The following RBM33 variants were observed in gnomAD, a reference collection of about 807,000 sequenced individuals.
RBM33 encodes RNA binding motif protein 33.
Under a neutral mutation model 132.6 loss-of-function variants are expected in RBM33, and 28 were observed. The ratio of observed to expected loss-of-function variants is 0.21; its 90% CI spans 0.16 to 0.29. The LOEUF (loss-of-function observed/expected upper bound fraction) is 0.29, where lower values mean the gene tolerates loss of function less well. Ranked by LOEUF, RBM33 falls within the 10% of genes least tolerant of loss-of-function variation. The pLI is 1.00. For synonymous variants in RBM33, 634 were observed against 593.0 expected (o/e 1.07, Z -1.01); for missense variants, 1,291 against 1,518.5 (o/e 0.85, Z 2.49).
At chr7:155,760,210 C>G (rs1235279214) in intron 14 of RBM33, among the ~76,000 whole-genome samples, 1 of 152,216 alleles carries the variant, frequency 6.6e-6, no homozygotes, top group African/African-American at 2.4e-5. Flanking sequence ...ACTGGCTTCT[C>G]TCAAGCACTT....
chr7:155,699,588 G>A (rs374889033), intron 5 of RBM33, among the ~76,000 whole-genome samples: 4 of 152,180 alleles, frequency 2.6e-5, no homozygotes, highest in South Asian at 2.1e-4. Context: ...TATGCTGGAC[G>A]TCAGCATACT....
At chr7:155,706,790 C>T in intron 6 of RBM33, 70 bp from the exon 7 acceptor site, 2 of 1,268,058 alleles carry the variant, frequency 1.6e-6, no homozygotes, top group Non-Finnish European at 2.2e-6. Flanking sequence ...TCATTCTTTC[C>T]TGTTCTCTCC....
intron 3 of RBM33, among the ~76,000 whole-genome samples, chr7:155,674,987 T>C (rs1799136738): frequency 6.6e-6 from 1 of 152,224 alleles, no homozygotes; most frequent in Admixed American, 6.5e-5. Context: ...CTGTCTTTTA[T>C]TCTTTTCCCA....
intron 5 of RBM33, among the ~76,000 whole-genome samples, chr7:155,688,320 T>G (rs1585439356): frequency 6.6e-6 from 1 of 152,362 alleles, no homozygotes; most frequent in African/African-American, 2.4e-5. Context: ...TTTTGCACAT[T>G]GATTTTGTAT....
At chr7:155,744,770 T>C (rs1801457014) in intron 13 of RBM33, among the ~76,000 whole-genome samples, 191 bp from the exon 14 acceptor site, 1 of 145,840 alleles carries the variant, frequency 6.9e-6, no homozygotes, top group South Asian at 2.1e-4. Context: ...AAATTAGCTT[T>C]AGCTGTGTGG....
At chr7:155,732,353 C>T (rs1800979593) in intron 9 of RBM33, among the ~76,000 whole-genome samples, 2 of 152,186 alleles carry the variant, frequency 1.3e-5, no homozygotes, top group Admixed American at 6.5e-5. Flanking sequence ...TGGAAATAGC[C>T]TCAGAGGACT....
intron 6 of RBM33, among the ~76,000 whole-genome samples, chr7:155,702,904 A>G (rs541429559): frequency 6.7e-6 from 1 of 148,832 alleles, no homozygotes; most frequent in Non-Finnish European, 1.5e-5. Context: ...CTATTAATTC[A>G]CTTGCTAGAC....
chr7:155,747,190 A>G (rs1208972350), intron 14 of RBM33, among the ~76,000 whole-genome samples: 1 of 152,230 alleles, frequency 6.6e-6, no homozygotes, highest in African/African-American at 2.4e-5. Context: ...GTTGAGAAGA[A>G]TGGTGTTACA....
chr7:155,704,171 G>A (rs539267057), intron 6 of RBM33, among the ~76,000 whole-genome samples: 2 of 152,140 alleles, frequency 1.3e-5, no homozygotes, highest in Middle Eastern at 3.2e-3. Context: ...AGCAGTTAAG[G>A]AACAGTTTTA....
At chr7:155,772,695 G>GA (rs1161736888) in intron 16 of RBM33, among the ~76,000 whole-genome samples, 5 of 152,218 alleles carry the variant, frequency 3.3e-5, no homozygotes, top group African/African-American at 7.2e-5. Flanking sequence ...ACTTGTTTCA[G>GA]AAAAAAACAG....
intron 1 of RBM33, among the ~76,000 whole-genome samples, chr7:155,653,795 A>G (rs1036570961): frequency 3.3e-5 from 5 of 152,112 alleles, no homozygotes; most frequent in Non-Finnish European, 2.9e-5. Flanking sequence ...AGTCCTGTGA[A>G]TTGTTATAGT....
rs186300842 is a variant in RBM33, at chr7:155,684,873, G to T, written c.567+3965G>T. On this transcript the variant is annotated intron_variant, in intron 5 of 17. Coordinates refer to ENST00000401878, the MANE Select transcript of RBM33 (RefSeq NM_053043.3). Reference sequence around the variant, plus strand: ...CATGAATCATAAAGACGAAAAGTACGTAAAAAAACCACCCCAAAGCTGTAT... The same window carrying T: ...CATGAATCATAAAGACGAAAAGTACTTAAAAAAACCACCCCAAAGCTGTAT... 2.4e-4 allele frequency: 363 copies of T among 1,507,608 alleles called. 4 individuals carry two copies. The African/African-American group carries it at 4.6e-3, about 19-fold the overall frequency. The allele number at this position is 1,507,608 out of a possible 1,614,324, so 93.4% of individuals were successfully genotyped here. A position where few individuals can be genotyped will look rare whatever the true frequency, so the allele number is the denominator to read the frequency against.
chr7:155,644,723 C>T lies in RBM33; in HGVS notation c.-154C>T. 9.3e-6 allele frequency: 5 copies of T among 537,314 alleles called. No individual in the cohort carries two copies. The highest frequency in any genetic ancestry group is 1.2e-5 in the Non-Finnish European group (4 of 320,164). 33.3% of individuals were successfully genotyped at this position (537,314 alleles called of 1,614,324 possible). A position where few individuals can be genotyped will look rare whatever the true frequency, so the allele number is the denominator to read the frequency against. On this transcript the variant is annotated 5_prime_UTR_variant, in exon 1 of 18. Coordinates refer to ENST00000401878, the MANE Select transcript of RBM33 (RefSeq NM_053043.3). ...TTTTCTTCCTGCGGAGGCGAAGGGCCAGCTGTGGACCGCGAAGCGCCCGGC... is the reference window on the plus strand; with the variant it reads ...TTTTCTTCCTGCGGAGGCGAAGGGCTAGCTGTGGACCGCGAAGCGCCCGGC...
intron 9 of RBM33, among the ~76,000 whole-genome samples, chr7:155,735,691 GTCTCTCTCTC>G (rs10556581): frequency 2.7e-5 from 4 of 146,532 alleles, no homozygotes; most frequent in Admixed American, 1.4e-4. Context: ...GCAAGACCCT[GTCTCTCTCTC>G]TCTCTCTCTC....
intron 7 of RBM33, among the ~76,000 whole-genome samples, chr7:155,708,417 TC>T (rs1449549214): frequency 6.6e-6 from 1 of 152,210 alleles, no homozygotes; most frequent in African/African-American, 2.4e-5. Flanking sequence ...TTGGCCTCTT[TC>T]GGGGCCAAAC....
Position 155,680,604 on chromosome 7 carries a change from C to A in RBM33, c.263C>A (p.Thr88Lys), listed in dbSNP as rs1799311660. The stretch of plus-strand genomic sequence containing the variant: ...GTCCTCTCTAGTTCTCAGGGTGTTA[C>A]AATTAGTCTGAATGCTACATCTGGC... ...DEENFSSQGV[T>K]ISLNATSGMV... The change falls in exon 5 of 18, where the codon ACA becomes AAA. Residue 88 changes from threonine to lysine, a missense_variant. Coordinates refer to ENST00000401878, the MANE Select transcript of RBM33 (RefSeq NM_053043.3). 1.3e-6 allele frequency: 2 copies of A among 1,596,858 alleles called. No individual in the cohort carries two copies. Among genetic ancestry groups the A allele is most frequent in the Non-Finnish European group, 1.7e-6 (2 of 1,173,312 alleles).
At chr7:155,762,267 C>T (rs1802062147) in intron 14 of RBM33, among the ~76,000 whole-genome samples, 1 of 152,226 alleles carries the variant, frequency 6.6e-6, no homozygotes, top group Non-Finnish European at 1.5e-5. Context: ...TGACCAGAGG[C>T]CCACAGACCC....
At chr7:155,711,591 C>A in intron 8 of RBM33, 136 bp downstream of exon 8, 1 of 536,796 alleles carries the variant, frequency 1.9e-6, no homozygotes, top group Non-Finnish European at 3.0e-6. Flanking sequence ...AATCATCGTT[C>A]GAATGTTGAG....
Position 155,745,518 on chromosome 7 carries a change from G to A in RBM33, c.2895G>A (p.Arg965=). ...RPQDTKPGVK[R]TVTHRTNSGG... ...AGGACACAAAGCCTGGCGTGAAAAGGACTGTCACGCACAGGACAAACAGTG... is the reference window on the plus strand; with the variant it reads ...AGGACACAAAGCCTGGCGTGAAAAGAACTGTCACGCACAGGACAAACAGTG... The change falls in exon 14 of 18, where the codon AGG becomes AGA. Residue 965 remains arginine, a synonymous_variant. Coordinates refer to ENST00000401878, the MANE Select transcript of RBM33 (RefSeq NM_053043.3). The surrounding 1 kb of genome is among the most constrained non-coding windows in gnomAD (Gnocchi z 4.1). 1 of 1,613,038 alleles carries A rather than the reference G, an allele frequency of 6.2e-7. No homozygotes were observed. Among genetic ancestry groups the A allele is most frequent in the Non-Finnish European group, 8.5e-7 (1 of 1,179,550 alleles).
Sources: allele counts gnomAD v4.1 joint callset (sites outside exome capture counted in the v4.1 genomes callset), GRCh38; gene constraint gnomAD v4.1.1; non-coding constraint Gnocchi (gnomAD v3.1); transcripts MANE v1.5; gene names NCBI Gene and HGNC (gene_info 2026-07-23, HGNC 2026-07-21).